ZNF106: variants seen among roughly 807,000 people sequenced by gnomAD.
ZNF106 encodes SH3-domain binding protein 3.
A neutral mutation model predicts 195.1 loss-of-function variants in ZNF106; 67 were observed. That is an observed-to-expected ratio of 0.34 (90% CI 0.28 to 0.42). The LOEUF (loss-of-function observed/expected upper bound fraction) is 0.42, where lower values mean the gene tolerates loss of function less well. Ranked by LOEUF, ZNF106 falls within the 10% of genes least tolerant of loss-of-function variation. The pLI is 1.00. For missense variants in ZNF106, 2,118 were observed against 2,304.5 expected (o/e 0.92, Z 1.66); for synonymous variants, 784 against 818.6 (o/e 0.96, Z 0.72).
intron 15 of ZNF106, among the ~76,000 whole-genome samples, chr15:42,426,015 CT>C (rs1297954428): frequency 1.3e-5 from 2 of 152,194 alleles, no homozygotes; most frequent in African/African-American, 4.8e-5. Flanking sequence ...AGGTGCATGC[CT>C]GGAGTAAGGC....
chr15:42,423,545 A>T (rs919068414), intron 17 of ZNF106, among the ~76,000 whole-genome samples: 4 of 151,688 alleles, frequency 2.6e-5, no homozygotes, highest in Admixed American at 2.0e-4. Flanking sequence ...CCAGCTAATT[A>T]AAAAAAAATT....
In ZNF106 at chr15:42,451,091, T is replaced by C. The variant is rs1471023267; in HGVS notation, c.1181A>G (p.Lys394Arg). The C allele has an allele frequency of 3.1e-6, 5 of 1,614,114 alleles. No individual in the cohort carries two copies. Among genetic ancestry groups the C allele is most frequent in the Non-Finnish European group, 4.2e-6 (5 of 1,180,052 alleles). ...GAGAGGTTTCTCTATCATTTCTGAC[T>C]TGTTACCAGTGATGTCTTTCAATCC... The part of the protein sequence containing the change: ...QSGLKDITGN[K>R]SEMIEKPLFD... The change falls in exon 5 of 22, where the codon AAG becomes AGG. Residue 394 changes from lysine to arginine, a missense_variant. Coordinates refer to ENST00000564754, the MANE Select transcript of ZNF106 (RefSeq NM_001366845.3).
At chr15:42,441,200 G>A (rs1415060752) in intron 10 of ZNF106, among the ~76,000 whole-genome samples, 4 of 147,782 alleles carry the variant, frequency 2.7e-5, no homozygotes, top group East Asian at 3.9e-4. Flanking sequence ...AAAATTAGCC[G>A]GGCATGGTGG....
At chr15:42,431,386 GTTC>G (rs1431771566) in intron 14 of ZNF106, among the ~76,000 whole-genome samples, 9 of 143,878 alleles carry the variant, frequency 6.3e-5, no homozygotes, top group Non-Finnish European at 1.1e-4. Context: ...ATGTTATACG[GTTC>G]TTTTTTTTTT....
At chr15:42,488,364 T>C (rs966620296) in intron 1 of ZNF106, among the ~76,000 whole-genome samples, 3 of 152,214 alleles carry the variant, frequency 2.0e-5, no homozygotes, top group African/African-American at 7.2e-5. Context: ...AGCAAATTCA[T>C]ACATTTATTT....
At chr15:42,486,213 C>T (rs1051617759) in intron 1 of ZNF106, among the ~76,000 whole-genome samples, 1 of 152,102 alleles carries the variant, frequency 6.6e-6, no homozygotes, top group Non-Finnish European at 1.5e-5. Flanking sequence ...CCACCTCAGC[C>T]TCCCAAAGTG....
At chr15:42,464,615 C>A (rs1277176920) in intron 3 of ZNF106, among the ~76,000 whole-genome samples, 1 of 150,480 alleles carries the variant, frequency 6.6e-6, no homozygotes, top group African/African-American at 2.4e-5. Flanking sequence ...GCAACCTCCA[C>A]CTCCCAGGCT....
intron 2 of ZNF106, among the ~76,000 whole-genome samples, chr15:42,469,858 CA>C (rs879787963): frequency 4.0e-3 from 347 of 85,764 alleles, no homozygotes; most frequent in Admixed American, 7.6e-3. Context: ...AAAACAACAA[CA>C]AAAAAAAAAA....
rs1431331169 is a variant in ZNF106 at position 42,418,309 on chromosome 15, G to C, written c.5518-358C>G. Among the ~76,000 whole-genome samples the C allele has an allele frequency of 2.7e-5, 4 of 148,968 alleles. No homozygotes were observed. The East Asian group carries it at 5.9e-4, about 22-fold the overall frequency. ...ATCATAAAATTGAGTTTCTATCTTA[G>C]TTTATTCAATACAAAAGGCAAATAC... On this transcript the variant is annotated intron_variant, in intron 20 of 21. Coordinates refer to ENST00000564754, the MANE Select transcript of ZNF106 (RefSeq NM_001366845.3).
intron 3 of ZNF106, among the ~76,000 whole-genome samples, chr15:42,463,847 TTGAG>T (rs2056451485): frequency 1.3e-5 from 2 of 152,016 alleles, no homozygotes; most frequent in Admixed American, 1.3e-4. Context: ...CATACTAAAA[TTGAG>T]TGAGTGACAG....
rs1770018707 is a variant in ZNF106 at position 42,472,340 on chromosome 15, A to G, written c.-32-19T>C. The G allele has an allele frequency of 6.6e-7, 1 of 1,514,948 alleles. No individual in the cohort carries two copies. Among genetic ancestry groups the G allele is most frequent in the African/African-American group, 1.4e-5 (1 of 72,432 alleles). 93.8% of individuals were successfully genotyped at this position (1,514,948 alleles called of 1,614,324 possible). On this transcript the variant is annotated intron_variant, in intron 1 of 21. Coordinates refer to ENST00000564754, the MANE Select transcript of ZNF106 (RefSeq NM_001366845.3). ...GTCACAGCTGCAATGAGGAAGTAAC[A>G]TTTAGTAACCTTTTCTCCTCAGTAC...
In ZNF106 at chr15:42,475,391, G is replaced by A. The variant is rs188044718; in HGVS notation, c.-32-3070C>T. ...CAGGAGGCAGAGGTTGCAGTGAGCC[G>A]AGATGACGCCCCTGCACTCTAGCCT... On this transcript the variant is annotated intron_variant, in intron 1 of 21. Transcript: ENST00000564754. 3.9e-5 allele frequency among the ~76,000 whole-genome samples: 6 copies of A among 152,242 alleles called. No individual in the cohort carries two copies. In the East Asian group the frequency reaches 9.6e-4, roughly 24 times the overall value.
chr15:42,420,378 C>T (rs578030372), intron 20 of ZNF106, among the ~76,000 whole-genome samples: 1 of 152,126 alleles, frequency 6.6e-6, no homozygotes, highest in African/African-American at 2.4e-5. Context: ...AGACCATATC[C>T]CCCTTGGATA....
chr15:42,480,501 TA>T (rs1183815079), intron 1 of ZNF106, among the ~76,000 whole-genome samples: 2 of 152,382 alleles, frequency 1.3e-5, no homozygotes, highest in East Asian at 3.9e-4. Flanking sequence ...TTAGATCTAC[TA>T]TTTTATTATT....
At chr15:42,447,578 G>GAAGGACA (rs1386511573) in intron 6 of ZNF106, among the ~76,000 whole-genome samples, 8 of 152,234 alleles carry the variant, frequency 5.3e-5, no homozygotes, top group African/African-American at 1.9e-4. Context: ...ACTGAAGGAC[G>GAAGGACA]AAGGACAGAG....
At position 42,468,469 on chromosome 15, in the gene ZNF106, G is replaced by A. The variant is rs541195315; in HGVS notation, c.55-2355C>T. On this transcript the variant is annotated intron_variant, in intron 2 of 21. Transcript: ENST00000564754. The stretch of plus-strand genomic sequence containing the variant: ...GCTTCATAAGGAGAGAGTAGGCCAG[G>A]TGCGGTGGCTCACGCCTATAATCCC... 9.9e-5 allele frequency among the ~76,000 whole-genome samples: 15 copies of A among 152,068 alleles called. No homozygotes were observed. In the East Asian group the frequency reaches 2.5e-3, roughly 26 times the overall value.
intron 14 of ZNF106, among the ~76,000 whole-genome samples, chr15:42,432,293 G>A (rs1194845988): frequency 6.6e-6 from 1 of 151,784 alleles, no homozygotes; most frequent in African/African-American, 2.4e-5. Flanking sequence ...CAAGTAGCTA[G>A]GACTACAGGT....
chr15:42,473,221 C>T (rs1595491968), intron 1 of ZNF106, among the ~76,000 whole-genome samples: 2 of 152,022 alleles, frequency 1.3e-5, no homozygotes, highest in Non-Finnish European at 2.9e-5. Context: ...TTCCAAGATC[C>T]GAAAAAATCT....
Position 42,457,144 on chromosome 15 carries a change from T to G in ZNF106, c.131A>C (p.Glu44Ala). The G allele has an allele frequency of 3.7e-6, 6 of 1,614,164 alleles. No individual in the cohort carries two copies. Among genetic ancestry groups the G allele is most frequent in the Non-Finnish European group, 5.1e-6 (6 of 1,180,044 alleles). The change falls in exon 4 of 22, where the codon GAG becomes GCG. Residue 44 changes from glutamate to alanine, a missense_variant. Transcript: ENST00000564754. ...ENLKGRDISH[E>A]CRVCGVTEVG... ...TTCTGTGACCCCGCACACTCGGCAC[T>G]CATGACTAATGTCCCTAGGGAAAGA...
Sources: gnomAD v4.1 joint callset for allele counts (sites outside exome capture counted in the v4.1 genomes callset) on GRCh38, gnomAD v4.1.1 for gene constraint, MANE v1.5 for transcripts, NCBI Gene and HGNC (gene_info 2026-07-23, HGNC 2026-07-21) for gene names.